FAM167A: variants seen among roughly 807,000 people sequenced by gnomAD.
FAM167A encodes family with sequence similarity 167 member A, also known as protein FAM167A.
In FAM167A, 23 loss-of-function variants were observed where a neutral mutation model predicts 14.9. The ratio of observed to expected loss-of-function variants is 1.55; its 90% CI spans 1.11 to 2.19. The LOEUF is 2.19. Among genes scored for constraint, FAM167A ranks in the 30% most tolerant of loss-of-function variants. FAM167A has a pLI of 0.00. For missense variants in FAM167A, 401 were observed against 281.5 expected (o/e 1.42, Z -3.04); for synonymous variants, 174 against 117.7 (o/e 1.48, Z -3.10).
chr8:11,441,059 C>T (rs553343328), intron 2 of FAM167A, among the ~76,000 whole-genome samples: 1 of 152,224 alleles, frequency 6.6e-6, no homozygotes, highest in South Asian at 2.1e-4. Flanking sequence ...GCACGTCCAG[C>T]CTGCCTGCCT....
upstream of FAM167A, among the ~76,000 whole-genome samples, chr8:11,468,384 T>TC (rs1175232818): frequency 6.6e-6 from 1 of 152,236 alleles, no homozygotes; most frequent in Non-Finnish European, 1.5e-5. Flanking sequence ...CAGCTCTGCC[T>TC]CCTAAGGGAA....
rs183377617 is a variant in FAM167A at position 11,447,882 on chromosome 8, C to T, written c.-397-3074G>A. On this transcript the variant is annotated intron_variant, in intron 1 of 2. Transcript: ENST00000284486. ...CAAGGCTCAGTATGAAACGAAGATG[C>T]GGGGCTCCTTGTTTAAAAAGTTCTA... Among the ~76,000 whole-genome samples the T allele has an allele frequency of 6.6e-5, 10 of 152,302 alleles. 1 individual carries two copies. The highest frequency in any genetic ancestry group is 1.3e-4 in the Non-Finnish European group (9 of 68,008).
chr8:11,447,484 G>A (rs530662141), intron 1 of FAM167A, among the ~76,000 whole-genome samples: 105 of 152,362 alleles, frequency 6.9e-4, no homozygotes, highest in African/African-American at 2.3e-3. Context: ...TGTGAACTGT[G>A]ACCAGCTAGT....
At chr8:11,470,368 G>T (rs540985281), upstream of FAM167A, among the ~76,000 whole-genome samples, 2 of 152,162 alleles carry the variant, frequency 1.3e-5, no homozygotes, top group Non-Finnish European at 2.9e-5. Flanking sequence ...CAACAAACGT[G>T]CCTGCCACAA....
Position 11,423,244 on chromosome 8 carries a change from T to G in FAM167A, c.*1129A>C, listed in dbSNP as rs1804885714. 6.6e-6 allele frequency: 1 copy of G among 152,284 alleles called. No individual in the cohort carries two copies. The highest frequency in any genetic ancestry group is 6.5e-5 in the Admixed American group (1 of 15,284). The allele number at this position is 152,284 out of a possible 1,614,324, so 9.4% of individuals were successfully genotyped here. On this transcript the variant is annotated 3_prime_UTR_variant, in exon 3 of 3. Transcript: ENST00000284486. The stretch of plus-strand genomic sequence containing the variant: ...TGACCCCAGACTGACCTCCCTAACC[T>G]GCTGGGGTCTTAACTTGCTGATCCT...
intron 1 of FAM167A, among the ~76,000 whole-genome samples, chr8:11,455,320 T>G (rs1585272129): frequency 7.6e-6 from 1 of 132,092 alleles, no homozygotes; most frequent in Admixed American, 8.0e-5. Context: ...TGTGTGTGAG[T>G]GTGGGGGGTG....
At position 11,423,968 on chromosome 8, in the gene FAM167A, C is replaced by T; in HGVS notation, c.*405G>A. On this transcript the variant is annotated 3_prime_UTR_variant, in exon 3 of 3. Transcript: ENST00000284486. ...CACATCTGACATGCCTAATTTCCCC[C>T]AAGGCCCTTGCGGGACAGCCTTCTG... 1 of 207,896 alleles carries T rather than the reference C, an allele frequency of 4.8e-6. No homozygotes were observed. Among genetic ancestry groups the T allele is most frequent in the Admixed American group, 5.2e-5 (1 of 19,116 alleles). The allele number at this position is 207,896 out of a possible 1,614,324, so 12.9% of individuals were successfully genotyped here.
rs1806709206 is a variant in FAM167A at position 11,445,196 on chromosome 8, C to G, written c.-397-388G>C. The G allele has an allele frequency of 6.1e-6, 6 of 985,178 alleles. No homozygotes were observed. The South Asian group carries it at 2.8e-4, about 46-fold the overall frequency. The allele number at this position is 985,178 out of a possible 1,614,324, so 61.0% of individuals were successfully genotyped here. ...GGGGACAAGCTCAGGCTGTCTGAAT[C>G]TGAGGCCACAGGTCTTTCCTCTCTG... is the stretch of plus-strand genomic sequence containing the variant. On this transcript the variant is annotated intron_variant, in intron 1 of 2. Coordinates refer to ENST00000284486, the MANE Select transcript of FAM167A (RefSeq NM_053279.3).
intron 1 of FAM167A, among the ~76,000 whole-genome samples, chr8:11,448,323 A>C (rs1806875069): frequency 6.7e-6 from 1 of 149,026 alleles, no homozygotes; most frequent in Non-Finnish European, 1.5e-5. Context: ...TCTACCTCGT[A>C]AGTCCTAATC....
At chr8:11,435,721 G>C (rs2117041682) in intron 2 of FAM167A, among the ~76,000 whole-genome samples, 1 of 152,194 alleles carries the variant, frequency 6.6e-6, no homozygotes, top group African/African-American at 2.4e-5. Context: ...CGCCACCCTG[G>C]GCAAGTCACC....
chr8:11,444,476 G>A lies in FAM167A; in HGVS notation c.-65C>T, dbSNP rs911861107. 5 of 1,501,372 alleles carry A rather than the reference G, an allele frequency of 3.3e-6. No homozygotes were observed. The African/African-American group carries it at 5.6e-5, about 17-fold the overall frequency. The allele number at this position is 1,501,372 out of a possible 1,614,324, so 93.0% of individuals were successfully genotyped here. A position where few individuals can be genotyped will look rare whatever the true frequency, so the allele number is the denominator to read the frequency against. On this transcript the variant is annotated 5_prime_UTR_variant, in exon 2 of 3. Transcript: ENST00000284486. The stretch of plus-strand genomic sequence containing the variant: ...GGGGGCGCAGGGGGAGGCTTGGTGG[G>A]TGGCACAGTTGGGTCCCGCTCTGGG...
chr8:11,438,613 G>T lies in FAM167A; in HGVS notation c.381+5418C>A, dbSNP rs939322863. ...TTCGAAAACTATAAAAAAGTCAAAA[G>T]AATAATATTACCACTCAGAAATAAA... On this transcript the variant is annotated intron_variant, in intron 2 of 2. Transcript: ENST00000284486. The T allele has an allele frequency of 2.1e-5, 9 of 424,354 alleles. No homozygotes were observed. The East Asian group carries it at 4.2e-4, about 20-fold the overall frequency. The allele number at this position is 424,354 out of a possible 1,614,324, so 26.3% of individuals were successfully genotyped here.
chr8:11,431,918 A>AAAGG (rs386412074), intron 2 of FAM167A, among the ~76,000 whole-genome samples: 7 of 10,700 alleles, frequency 6.5e-4, no homozygotes, highest in Admixed American at 1.9e-3. Context: ...AAAAAAAAAA[A>AAAGG]AGGATTTTGT....
intron 1 of FAM167A, among the ~76,000 whole-genome samples, chr8:11,463,173 C>A (rs1053815572): frequency 6.6e-6 from 1 of 152,228 alleles, no homozygotes; most frequent in Non-Finnish European, 1.5e-5. Flanking sequence ...GCTGGCTTCA[C>A]CTTCCTCCAA....
chr8:11,446,436 C>G (rs1016370118), intron 1 of FAM167A: 2 of 151,396 alleles, frequency 1.3e-5, no homozygotes, highest in South Asian at 2.1e-4. Context: ...GAGAATCCCC[C>G]TGAGGAACTG....
chr8:11,463,808 C>T (rs764306856), intron 1 of FAM167A, among the ~76,000 whole-genome samples: 5 of 152,180 alleles, frequency 3.3e-5, no homozygotes, highest in African/African-American at 9.7e-5. Flanking sequence ...CTGCAAAGGC[C>T]GCTGGGGAGG....
chr8:11,454,344 A>G (rs1315905373), intron 1 of FAM167A, among the ~76,000 whole-genome samples: 3 of 152,228 alleles, frequency 2.0e-5, no homozygotes, highest in African/African-American at 7.2e-5. Flanking sequence ...CAAGGACAGC[A>G]TCTCCTGATT....
intron 2 of FAM167A, among the ~76,000 whole-genome samples, chr8:11,441,414 A>T (rs1408861708): frequency 6.6e-6 from 1 of 152,234 alleles, no homozygotes; most frequent in Non-Finnish European, 1.5e-5. Flanking sequence ...ATTCCCAACC[A>T]AAGGGACCAG....
At chr8:11,442,807 C>T (rs573526837) in intron 2 of FAM167A, among the ~76,000 whole-genome samples, 9 of 152,138 alleles carry the variant, frequency 5.9e-5, no homozygotes, top group Middle Eastern at 6.8e-3. Context: ...TTACTAAAGA[C>T]GGATATAATA....
Sources: gnomAD v4.1 joint callset for allele counts (sites outside exome capture counted in the v4.1 genomes callset) on GRCh38, gnomAD v4.1.1 for gene constraint, MANE v1.5 for transcripts, NCBI Gene and HGNC (gene_info 2026-07-23, HGNC 2026-07-21) for gene names.